The following ADCY3 variants were observed in gnomAD, a reference collection of about 807,000 sequenced individuals.
ADCY3 encodes the protein adenylate cyclase type 3.
Under a neutral mutation model 119.4 loss-of-function variants are expected in ADCY3, and 70 were observed. That is an observed-to-expected ratio of 0.59 (90% CI 0.48 to 0.72). The LOEUF is 0.72. Ranked by LOEUF, ADCY3 falls within the 30% of genes least tolerant of loss-of-function variation. The pLI is 0.00. For synonymous variants in ADCY3, 672 were observed against 621.4 expected (o/e 1.08, Z -1.21); for missense variants, 1,238 against 1,541.6 (o/e 0.80, Z 3.30).
At chr2:24,824,105 G>C (rs1668241394) in intron 17 of ADCY3, among the ~76,000 whole-genome samples, 1 of 152,270 alleles carries the variant, frequency 6.6e-6, no homozygotes, top group African/African-American at 2.4e-5. Context: ...AAGTTCACAG[G>C]CAACAGAAAG....
At chr2:24,873,772 C>T (rs866854311) in intron 2 of ADCY3, among the ~76,000 whole-genome samples, 2 of 152,334 alleles carry the variant, frequency 1.3e-5, no homozygotes, top group Middle Eastern at 3.4e-3. Flanking sequence ...GCTTCCCTGG[C>T]GCCAGCTCCA....
At chr2:24,866,416 C>A (rs1040141050) in intron 3 of ADCY3, among the ~76,000 whole-genome samples, 2 of 151,704 alleles carry the variant, frequency 1.3e-5, no homozygotes, top group African/African-American at 2.4e-5. Context: ...CTACAAAAAA[C>A]CATTTTTTTA....
chr2:24,913,571 G>C (rs919026783), intron 2 of ADCY3, among the ~76,000 whole-genome samples: 4 of 152,126 alleles, frequency 2.6e-5, no homozygotes, highest in African/African-American at 9.7e-5. Flanking sequence ...ACCTCACTGA[G>C]CCTCAGTCCC....
Position 24,918,605 on chromosome 2 carries a change from C to A in ADCY3, c.383G>T (p.Gly128Val), listed in dbSNP as rs778157505. ...GCGGGTGACCCGGTCCGGGAGCAGC[C>A]CCTTTTTGCAGAGCACGAAGAGGAT... ...DIILFVLCKK[G>V]LLPDRVTRRV... The change falls in exon 2 of 22, where the codon GGG becomes GTG. Residue 128 changes from glycine to valine, a missense_variant. By Grantham distance (109) the Gly-to-Val change is moderately radical. Coordinates refer to ENST00000679454, the MANE Select transcript of ADCY3 (RefSeq NM_004036.5). This position sits in a 1 kb window ranked among gnomAD's most constrained non-coding sequence, Gnocchi z 5.4. The A allele has an allele frequency of 6.2e-7, 1 of 1,614,166 alleles. No individual in the cohort carries two copies. Among genetic ancestry groups the A allele is most frequent in the Non-Finnish European group, 8.5e-7 (1 of 1,180,032 alleles).
At chr2:24,851,954 C>T (rs1342629671) in intron 3 of ADCY3, among the ~76,000 whole-genome samples, 1 of 152,156 alleles carries the variant, frequency 6.6e-6, no homozygotes, top group African/African-American at 2.4e-5. Context: ...AGACTGAGTC[C>T]CCATATCCTC....
At chr2:24,824,299 C>T (rs888195341) in intron 17 of ADCY3, 79 bp downstream of exon 17, 4 of 1,556,176 alleles carry the variant, frequency 2.6e-6, no homozygotes, top group Non-Finnish European at 3.5e-6. Flanking sequence ...AAGGCCTGGG[C>T]CCAGCGGGGG....
chr2:24,831,057 G>A (rs2148468083), intron 12 of ADCY3, among the ~76,000 whole-genome samples: 1 of 152,114 alleles, frequency 6.6e-6, no homozygotes, highest in East Asian at 1.9e-4. Flanking sequence ...CAGCCTCCAG[G>A]TCGCAGCCCT....
chr2:24,826,422 GT>G, intron 15 of ADCY3: 1 of 316,512 alleles, frequency 3.2e-6, no homozygotes, highest in Non-Finnish European at 5.8e-6. Flanking sequence ...GATCACAGAG[GT>G]AGCTACAACC....
intron 2 of ADCY3, among the ~76,000 whole-genome samples, chr2:24,913,572 C>A (rs1221695852): frequency 2.0e-5 from 3 of 152,180 alleles, no homozygotes; most frequent in Admixed American, 2.0e-4. Flanking sequence ...CCTCACTGAG[C>A]CTCAGTCCCC....
Position 24,872,080 on chromosome 2 carries a change from C to T in ADCY3, c.825+490G>A, listed in dbSNP as rs185710314. ...ACTTCACCCAGCAGGGCCCTGAGGC[C>T]GCAGGATGGGTCAAGGCCCCACCCA... On this transcript the variant is annotated intron_variant, in intron 3 of 21. Transcript: ENST00000679454. The surrounding 1 kb of genome is among the most constrained non-coding windows in gnomAD (Gnocchi z 4.4). Among the ~76,000 whole-genome samples the T allele has an allele frequency of 3.2e-4, 49 of 152,262 alleles. No individual in the cohort carries two copies. The highest frequency in any genetic ancestry group is 1.1e-3 in the African/African-American group (46 of 41,546).
intron 3 of ADCY3, among the ~76,000 whole-genome samples, chr2:24,857,702 G>A (rs1284093899): frequency 1.3e-5 from 2 of 152,206 alleles, no homozygotes; most frequent in African/African-American, 2.4e-5. Context: ...CGGAGGGTTC[G>A]TATCTGTGAC....
chr2:24,912,605 ATG>A (rs72493229), intron 2 of ADCY3, among the ~76,000 whole-genome samples: 20 of 38,736 alleles, frequency 5.2e-4, no homozygotes, highest in East Asian at 5.9e-4. Context: ...GTGTGTGTGC[ATG>A]TGTGTGTGTG....
Position 24,839,854 on chromosome 2 carries a change from C to G in ADCY3, c.1355+19G>C, listed in dbSNP as rs528795494. The G allele has an allele frequency of 1.9e-6, 3 of 1,613,536 alleles. No individual in the cohort carries two copies. Among genetic ancestry groups the G allele is most frequent in the Admixed American group, 1.7e-5 (1 of 60,002 alleles). On this transcript the variant is annotated intron_variant, in intron 7 of 21. Coordinates refer to ENST00000679454, the MANE Select transcript of ADCY3 (RefSeq NM_004036.5). The stretch of plus-strand genomic sequence containing the variant: ...CCCCTCCCCAGTCCTCAAACCTGCC[C>G]CCTTGGAATGGCACTCACCCAGGGA...
At chr2:24,864,700 A>G (rs1400909572) in intron 3 of ADCY3, among the ~76,000 whole-genome samples, 2 of 152,212 alleles carry the variant, frequency 1.3e-5, no homozygotes, top group Non-Finnish European at 2.9e-5. Context: ...TGGTTACCAG[A>G]GTCTGGGAGA....
intron 3 of ADCY3, among the ~76,000 whole-genome samples, chr2:24,843,687 G>A (rs569796756): frequency 1.3e-5 from 2 of 152,214 alleles, no homozygotes; most frequent in Admixed American, 6.5e-5. Flanking sequence ...GAGGAAGAGC[G>A]GCAGATATGA....
At chr2:24,838,892 C>T (rs766643838) in intron 7 of ADCY3, 1 of 1,581,590 alleles carries the variant, frequency 6.3e-7, no homozygotes, top group Non-Finnish European at 8.6e-7. Context: ...GGAGTACAAT[C>T]TTTCTTCAAT....
chr2:24,899,441 C>T lies in ADCY3; in HGVS notation c.675+18872G>A, dbSNP rs1678665865. On this transcript the variant is annotated intron_variant, in intron 2 of 21. Coordinates refer to ENST00000679454, the MANE Select transcript of ADCY3 (RefSeq NM_004036.5). The surrounding 1 kb of genome is among the most constrained non-coding windows in gnomAD (Gnocchi z 4.5). ...CTGTCACCCCAGCCACCTCTGCCACCAGCCTGCCAGGCAAAACTGTCCCTG... is the reference window on the plus strand; with the variant it reads ...CTGTCACCCCAGCCACCTCTGCCACTAGCCTGCCAGGCAAAACTGTCCCTG... Among the ~76,000 whole-genome samples, 1 of 152,250 alleles carries T rather than the reference C, an allele frequency of 6.6e-6. No individual in the cohort carries two copies. Among genetic ancestry groups the T allele is most frequent in the South Asian group, 2.1e-4 (1 of 4,836 alleles).
At chr2:24,901,131 A>C (rs991123639) in intron 2 of ADCY3, among the ~76,000 whole-genome samples, 3 of 152,224 alleles carry the variant, frequency 2.0e-5, no homozygotes, top group Admixed American at 2.0e-4. Flanking sequence ...AGAGCCGAGC[A>C]GGAAGGGGCA....
rs548745103 is a variant in ADCY3 at position 24,872,186 on chromosome 2, G to C, written c.825+384C>G. 6.6e-6 allele frequency among the ~76,000 whole-genome samples: 1 copy of C among 152,216 alleles called. No homozygotes were observed. The highest frequency in any genetic ancestry group is 2.4e-5 in the African/African-American group (1 of 41,460). On this transcript the variant is annotated intron_variant, in intron 3 of 21. Coordinates refer to ENST00000679454, the MANE Select transcript of ADCY3 (RefSeq NM_004036.5). This position sits in a 1 kb window ranked among gnomAD's most constrained non-coding sequence, Gnocchi z 4.4. ...GGAGGCGTGACGTGAAGGAATGCCC[G>C]TGATGCCCCTGACCCTGACCTTGGT... is the stretch of plus-strand genomic sequence containing the variant.
Sources: allele counts gnomAD v4.1 joint callset (sites outside exome capture counted in the v4.1 genomes callset), GRCh38; gene constraint gnomAD v4.1.1; non-coding constraint Gnocchi (gnomAD v3.1); transcripts MANE v1.5; gene names NCBI Gene and HGNC (gene_info 2026-07-23, HGNC 2026-07-21).